Variants in ANKRD18A observed in about 807,000 individuals in gnomAD.
ANKRD18A encodes the protein ankyrin repeat domain 18A.
A neutral mutation model predicts 110.6 loss-of-function variants in ANKRD18A; 72 were observed. The ratio of observed to expected loss-of-function variants is 0.65; its 90% CI spans 0.54 to 0.79. The LOEUF (loss-of-function observed/expected upper bound fraction) is 0.79, where lower values mean the gene tolerates loss of function less well. Ranked by LOEUF, ANKRD18A falls within the 30% of genes least tolerant of loss-of-function variation. The probability of loss-of-function intolerance (pLI) is 0.00; values close to 1 mark genes in which losing one functional copy is unlikely to be tolerated. For missense variants in ANKRD18A, 934 were observed against 1,163.3 expected, an observed-to-expected ratio of 0.80 and a Z score of 2.87; for synonymous variants, 305 against 410.3, an observed-to-expected ratio of 0.74 and a Z score of 3.10.
chr9:38,591,828 C>A (rs1433968829), intron 10 of ANKRD18A, among the ~76,000 whole-genome samples: 1 of 152,166 alleles, frequency 6.6e-6, no homozygotes, highest in Non-Finnish European at 1.5e-5. Flanking sequence ...ACATGACCAG[C>A]AGAGACAGGC....
chr9:38,606,188 T>C (rs548869182), intron 6 of ANKRD18A, among the ~76,000 whole-genome samples: 25 of 152,324 alleles, frequency 1.6e-4, no homozygotes. Flanking sequence ...TGGTTCTTAT[T>C]GCCATTTGTT....
rs547528389 is a variant in ANKRD18A at position 38,588,575 on chromosome 9, C to T, written c.2093G>A (p.Arg698His). The T allele has an allele frequency of 1.8e-5, 24 of 1,368,606 alleles. No individual in the cohort carries two copies. The highest frequency in any genetic ancestry group is 1.4e-4 in the East Asian group (5 of 34,616). The allele number at this position is 1,368,606 out of a possible 1,614,324, so 84.8% of individuals were successfully genotyped here. ...YTADQIRKKN[R>H]ELEEEATGYK... ...CCCAGTTGCCTCTTCTTCTAATTCA[C>T]GATTTTTCTTTCTTATTTGGTCCGC... The change falls in exon 11 of 16, where the codon CGT becomes CAT. Residue 698 changes from arginine to histidine, a missense_variant. Transcript: ENST00000399703.
At chr9:38,591,426 T>C (rs1411169871) in intron 10 of ANKRD18A, among the ~76,000 whole-genome samples, 1 of 152,180 alleles carries the variant, frequency 6.6e-6, no homozygotes, top group Non-Finnish European at 1.5e-5. Flanking sequence ...AATAATACCA[T>C]CTACTTCACT....
downstream of ANKRD18A, among the ~76,000 whole-genome samples, chr9:38,570,048 G>C (rs994145212): frequency 6.6e-6 from 1 of 152,166 alleles, no homozygotes; most frequent in African/African-American, 2.4e-5. Context: ...CCCTGCCTGA[G>C]GTCACACATC....
At chr9:38,619,652 C>T (rs1374219824) in intron 1 of ANKRD18A, among the ~76,000 whole-genome samples, 3 of 152,070 alleles carry the variant, frequency 2.0e-5, no homozygotes, top group Non-Finnish European at 4.4e-5. Context: ...CTGAGTCTTC[C>T]CATTCAAGGA....
At chr9:38,581,861 T>C (rs1824179636) in intron 12 of ANKRD18A, among the ~76,000 whole-genome samples, 1 of 152,114 alleles carries the variant, frequency 6.6e-6, no homozygotes, top group Non-Finnish European at 1.5e-5. Flanking sequence ...AAACTTTTTC[T>C]TGGAATGAGT....
intron 8 of ANKRD18A, 35 bp downstream of exon 8, chr9:38,601,096 C>G (rs1329091539): frequency 5.2e-6 from 8 of 1,527,378 alleles, no homozygotes; most frequent in Non-Finnish European, 6.2e-6. Flanking sequence ...AACAAACAAA[C>G]CAGTATTAAA....
At position 38,600,535 on chromosome 9, in the gene ANKRD18A, A is replaced by C. The variant is rs554654581; in HGVS notation, c.936+596T>G. On this transcript the variant is annotated intron_variant, in intron 8 of 15. Transcript: ENST00000399703. ...CAAATTTTAATAGCATTTTCTACTTATGTTAAAACAAGAAAGTTATTGTTT... is the reference window on the plus strand; with the variant it reads ...CAAATTTTAATAGCATTTTCTACTTCTGTTAAAACAAGAAAGTTATTGTTT... Among the ~76,000 whole-genome samples the C allele has an allele frequency of 5.3e-5, 8 of 152,340 alleles. No homozygotes were observed. In the East Asian group the frequency reaches 1.5e-3, roughly 29 times the overall value.
intron 6 of ANKRD18A, among the ~76,000 whole-genome samples, chr9:38,605,324 TG>T (rs1825304211): frequency 1.3e-5 from 2 of 152,226 alleles, no homozygotes; most frequent in Non-Finnish European, 2.9e-5. Flanking sequence ...AAAACTCTGT[TG>T]AAAAAACACA....
chr9:38,601,800 A>C (rs1486170313), intron 7 of ANKRD18A, among the ~76,000 whole-genome samples: 2 of 151,998 alleles, frequency 1.3e-5, no homozygotes, highest in African/African-American at 4.8e-5. Flanking sequence ...AGATCAGCCC[A>C]GAGACCATAG....
At chr9:38,614,421 T>C (rs534590021) in intron 3 of ANKRD18A, among the ~76,000 whole-genome samples, 1 of 152,212 alleles carries the variant, frequency 6.6e-6, no homozygotes, top group East Asian at 1.9e-4. Context: ...TAGCTGGGAC[T>C]ACAGGAACAT....
chr9:38,605,615 C>G (rs117827798), intron 6 of ANKRD18A, among the ~76,000 whole-genome samples: 2,737 of 152,148 alleles, frequency 0.018, 42 homozygotes, highest in Non-Finnish European at 0.026. Flanking sequence ...CTAATGGTAA[C>G]AGAGTATGGT....
rs1587476190 is a variant in ANKRD18A, at chr9:38,571,449, T to C, written c.*596A>G. 5.4e-6 allele frequency: 3 copies of C among 553,000 alleles called. No homozygotes were observed. In the East Asian group the frequency reaches 1.6e-4, roughly 30 times the overall value. The allele number at this position is 553,000 out of a possible 1,614,324, so 34.3% of individuals were successfully genotyped here. On this transcript the variant is annotated 3_prime_UTR_variant, in exon 16 of 16. Coordinates refer to ENST00000399703, the MANE Select transcript of ANKRD18A (RefSeq NM_147195.4). ...AATCATCTGGCAACCATCACAGTAA[T>C]ACTTGTTCAAACACAAGTCATCCAT...
Position 38,595,469 on chromosome 9 carries a change from G to T in ANKRD18A, c.1854+17C>A. On this transcript the variant is annotated intron_variant, in intron 9 of 15. Coordinates refer to ENST00000399703, the MANE Select transcript of ANKRD18A (RefSeq NM_147195.4). ...TAAATTTTCTTTCCAGAAGTTTATA[G>T]TTTTCTTCATACTTACTTCTCTTTC... 6.9e-7 allele frequency: 1 copy of T among 1,447,450 alleles called. No homozygotes were observed. The highest frequency in any genetic ancestry group is 9.1e-7 in the Non-Finnish European group (1 of 1,099,680). 89.7% of individuals were successfully genotyped at this position (1,447,450 alleles called of 1,614,324 possible).
At chr9:38,612,643 A>T (rs1313558933) in intron 3 of ANKRD18A, among the ~76,000 whole-genome samples, 1 of 150,274 alleles carries the variant, frequency 6.7e-6, no homozygotes, top group Non-Finnish European at 1.5e-5. Context: ...TCAGCCTCCC[A>T]AGTAGCTGGA....
chr9:38,600,191 A>G (rs980127488), intron 8 of ANKRD18A, among the ~76,000 whole-genome samples: 1 of 152,224 alleles, frequency 6.6e-6, no homozygotes, highest in African/African-American at 2.4e-5. Flanking sequence ...AGTAAACTTA[A>G]TTCATTATCA....
intron 10 of ANKRD18A, among the ~76,000 whole-genome samples, chr9:38,589,284 C>T (rs1019978479): frequency 6.6e-6 from 1 of 152,230 alleles, no homozygotes; most frequent in Admixed American, 6.5e-5. Flanking sequence ...TTCCATTGGA[C>T]TCTATGACAC....
At chr9:38,586,966 C>T (rs1374026157) in intron 11 of ANKRD18A, among the ~76,000 whole-genome samples, 1 of 151,672 alleles carries the variant, frequency 6.6e-6, no homozygotes, top group Non-Finnish European at 1.5e-5. Flanking sequence ...AGATGAGTAA[C>T]CAAGATTTTT....
intron 10 of ANKRD18A, among the ~76,000 whole-genome samples, chr9:38,589,498 T>C (rs1478637818): frequency 6.6e-6 from 1 of 152,262 alleles, no homozygotes; most frequent in Non-Finnish European, 1.5e-5. Context: ...TTCACACCAC[T>C]GTAACTGTAA....
Sources: allele counts gnomAD v4.1 joint callset (sites outside exome capture counted in the v4.1 genomes callset), GRCh38; gene constraint gnomAD v4.1.1; transcripts MANE v1.5; gene names NCBI Gene and HGNC (gene_info 2026-07-23, HGNC 2026-07-21).